PCDHGB5: variants seen among roughly 807,000 people sequenced by gnomAD.
PCDHGB5 encodes protocadherin gamma-B5.
A neutral mutation model predicts 62.9 loss-of-function variants in PCDHGB5; 48 were observed. The observed-to-expected ratio is 0.76, with a 90% CI of 0.61 to 0.97. The LOEUF is 0.97. PCDHGB5 is among the 50% of genes least tolerant of loss of function. The pLI is 0.00. For missense variants in PCDHGB5, 1,118 were observed against 1,198.6 expected (o/e 0.93, Z 0.99); for synonymous variants, 474 against 511.2 (o/e 0.93, Z 0.98).
intron 1 of PCDHGB5, chr5:141,427,988 T>C (rs555561265): frequency 6.3e-7 from 1 of 1,598,504 alleles, no homozygotes; most frequent in South Asian, 1.1e-5. Context: ...TGGGGCCCGA[T>C]GGCTCCGCAC....
chr5:141,414,855 C>T (rs2095795912), intron 1 of PCDHGB5: 3 of 1,614,236 alleles, frequency 1.9e-6, no homozygotes, highest in Non-Finnish European at 2.5e-6. Flanking sequence ...TGGACCAGAA[C>T]GACAATGCGC....
intron 1 of PCDHGB5, among the ~76,000 whole-genome samples, chr5:141,466,670 G>A (rs994949602): frequency 9.2e-5 from 14 of 152,046 alleles, no homozygotes; most frequent in African/African-American, 2.2e-4. Flanking sequence ...TGATTTCACC[G>A]TTCTTCCACT....
chr5:141,399,336 T>C lies in PCDHGB5; in HGVS notation c.1209T>C (p.Asp403=). Residue 403 remains aspartate (D), a synonymous_variant, in exon 1 of 4, where the codon GAT becomes GAC. Transcript: ENST00000617380. ...SSKNSYKLVT[D]GTLDREQTPE... is the part of the protein sequence containing the mutation. The stretch of plus-strand genomic sequence containing the variant: ...AAAATTCGTATAAGTTGGTAACAGA[T>C]GGAACCCTAGACCGAGAGCAAACCC... 1.2e-6 allele frequency: 2 copies of C among 1,613,976 alleles called. No homozygotes were observed. The highest frequency in any genetic ancestry group is 1.7e-6 in the Non-Finnish European group (2 of 1,179,906).
Position 141,453,292 on chromosome 5 carries a change from T to A in PCDHGB5, c.2398-41515T>A, listed in dbSNP as rs141563552. The stretch of plus-strand genomic sequence containing the variant: ...CCATGACTGGCTAATTTTTTAATTA[T>A]TTATTTATTTATTTATTTATTTTAG... On this transcript the variant is annotated intron_variant, in intron 1 of 3. Transcript: ENST00000617380. Among the ~76,000 whole-genome samples, 253 of 151,810 alleles carry A rather than the reference T, an allele frequency of 1.7e-3. 1 individual carries two copies. The highest frequency in any genetic ancestry group is 2.6e-3 in the Non-Finnish European group (178 of 67,938).
At chr5:141,404,039 G>A in intron 1 of PCDHGB5, 1 of 1,613,750 alleles carries the variant, frequency 6.2e-7, no homozygotes, top group Non-Finnish European at 8.5e-7. Context: ...CGCACCTCAG[G>A]GAACAGTAAT....
Position 141,512,574 on chromosome 5 carries a change from C to G in PCDHGB5, c.*1401C>G, listed in dbSNP as rs1429371202. 2 of 152,884 alleles carry G rather than the reference C, an allele frequency of 1.3e-5. No homozygotes were observed. Among genetic ancestry groups the G allele is most frequent in the South Asian group, 2.1e-4 (1 of 4,836 alleles). 9.5% of individuals were successfully genotyped at this position (152,884 alleles called of 1,614,324 possible). On this transcript the variant is annotated 3_prime_UTR_variant, in exon 4 of 4. Transcript: ENST00000617380. ...GTGCATAGACCTTCTTCTCCCACCC[C>G]CTTCTGCCCCTGGGTCCCCGGCCAT...
intron 1 of PCDHGB5, among the ~76,000 whole-genome samples, chr5:141,467,414 C>A (rs1410743140): frequency 6.6e-5 from 10 of 152,168 alleles, no homozygotes; most frequent in African/African-American, 1.2e-4. Flanking sequence ...CCTTTCCCCA[C>A]ACCTAGGTTA....
At chr5:141,492,161 TC>T (rs1269738341) in intron 1 of PCDHGB5, among the ~76,000 whole-genome samples, 2 of 152,142 alleles carry the variant, frequency 1.3e-5, no homozygotes, top group Admixed American at 6.5e-5. Context: ...ACCCTCCCTA[TC>T]CCCGCATCAC....
intron 1 of PCDHGB5, chr5:141,418,184 G>A: frequency 6.2e-7 from 1 of 1,614,096 alleles, no homozygotes; most frequent in Non-Finnish European, 8.5e-7. Flanking sequence ...ATTGGAAGCT[G>A]TGGTGGAAAA....
At position 141,486,882 on chromosome 5, in the gene PCDHGB5, C is replaced by T; in HGVS notation, c.2398-7925C>T. The T allele has an allele frequency of 6.2e-7, 1 of 1,614,244 alleles. No individual in the cohort carries two copies. The highest frequency in any genetic ancestry group is 1.1e-5 in the South Asian group (1 of 91,086). On this transcript the variant is annotated intron_variant, in intron 1 of 3. Transcript: ENST00000617380. This position sits in a 1 kb window ranked among gnomAD's most constrained non-coding sequence, Gnocchi z 5.0. ...GCTCCAGCTGTGCTCCGTCCTCGGG[C>T]CCGGCCTGGTTCCTTATGTCCCCAA...
At chr5:141,407,497 G>GTTTTTTTTTTTTTTTTTTTTTTT (rs1554102286) in intron 1 of PCDHGB5, among the ~76,000 whole-genome samples, 2 of 152,088 alleles carry the variant, frequency 1.3e-5, no homozygotes, top group African/African-American at 4.8e-5. Context: ...CTTTATTTCT[G>GTTTTTTTTTTTTTTTTTTTTTTT]TTTTTCTTAG....
rs1161188105 is a variant in PCDHGB5, at chr5:141,427,974, G to A, written c.2397+27450G>A. 9 of 1,594,458 alleles carry A rather than the reference G, an allele frequency of 5.6e-6. No individual in the cohort carries two copies. In the Admixed American group the frequency reaches 1.5e-4, roughly 27 times the overall value. ...CAATGTGCCGCGGGTGCTGTACCCC[G>A]CGCTGGGGCCCGATGGCTCCGCACT... On this transcript the variant is annotated intron_variant, in intron 1 of 3. Transcript: ENST00000617380.
At chr5:141,428,008 T>C (rs2097099623) in intron 1 of PCDHGB5, 4 of 1,601,848 alleles carry the variant, frequency 2.5e-6, no homozygotes, top group Admixed American at 3.3e-5. Context: ...CTCTTCGATA[T>C]AGTGCCACGC....
chr5:141,431,225 C>A lies in PCDHGB5; in HGVS notation c.2397+30701C>A. On this transcript the variant is annotated intron_variant, in intron 1 of 3. Coordinates refer to ENST00000617380, the MANE Select transcript of PCDHGB5 (RefSeq NM_018925.3). The surrounding 1 kb of genome is among the most constrained non-coding windows in gnomAD (Gnocchi z 4.8). ...CACTGAGATGCGGTTCCCTCTACCC[C>A]ACGCCTGGGATCCGGATATCGGGAA... The A allele has an allele frequency of 1.2e-6, 2 of 1,614,118 alleles. No individual in the cohort carries two copies. The highest frequency in any genetic ancestry group is 1.7e-6 in the Non-Finnish European group (2 of 1,180,036).
chr5:141,419,605 G>A, intron 1 of PCDHGB5: 1 of 1,611,776 alleles, frequency 6.2e-7, no homozygotes, highest in Non-Finnish European at 8.5e-7. Flanking sequence ...CGCGGGCCGC[G>A]CAGCCAGGCT....
In PCDHGB5 at chr5:141,400,168, C is replaced by G; in HGVS notation, c.2041C>G (p.Gln681Glu). 6.2e-7 allele frequency: 1 copy of G among 1,614,088 alleles called. No individual in the cohort carries two copies. Among genetic ancestry groups the G allele is most frequent in the South Asian group, 1.1e-5 (1 of 91,090 alleles). ...ITDRPVPSDPQAELQFYLVVA... is the reference protein window; with the variant it reads ...ITDRPVPSDPEAELQFYLVVA... ...TGACCGCCCTGTACCCTCTGACCCCCAGGCTGAGCTGCAGTTTTACCTAGT... is the reference window on the plus strand; with the variant it reads ...TGACCGCCCTGTACCCTCTGACCCCGAGGCTGAGCTGCAGTTTTACCTAGT... Residue 681 changes from glutamine to glutamate, a missense_variant, in exon 1 of 4, where the codon CAG (glutamine) becomes GAG (glutamate). Physicochemically the swap from Gln to Glu is conservative, Grantham distance 29. Around this residue, in one of 2 missense-constraint regions of PCDHGB5, gnomAD observed 1,034 missense variants for 1,029.1 expected, o/e 1.00. Coordinates refer to ENST00000617380, the MANE Select transcript of PCDHGB5 (RefSeq NM_018925.3).
intron 1 of PCDHGB5, chr5:141,403,638 A>T (rs373036061): frequency 1.9e-6 from 3 of 1,613,906 alleles, no homozygotes; most frequent in Non-Finnish European, 2.5e-6. Flanking sequence ...GTGCGCATCC[A>T]TGTGACAGTG....
At chr5:141,442,466 A>T (rs1270035223) in intron 1 of PCDHGB5, 1 of 152,254 alleles carries the variant, frequency 6.6e-6, no homozygotes, top group African/African-American at 2.4e-5. Flanking sequence ...TTCACTGCAG[A>T]AAGCCCCTTG....
intron 1 of PCDHGB5, chr5:141,423,253 C>T (rs750278899): frequency 6.2e-7 from 1 of 1,613,916 alleles, no homozygotes; most frequent in Non-Finnish European, 8.5e-7. Flanking sequence ...CCTGGCGGAC[C>T]TCGGCAGCCT....
Sources: gnomAD v4.1 joint callset for allele counts (sites outside exome capture counted in the v4.1 genomes callset) on GRCh38, gnomAD v4.1.1 for gene constraint, gnomAD v4.1.1 regional missense constraint, Gnocchi (gnomAD v3.1) non-coding constraint, MANE v1.5 for transcripts, NCBI Gene and HGNC (gene_info 2026-07-23, HGNC 2026-07-21) for gene names.